The following PAK3 variants were observed in gnomAD, a reference collection of about 807,000 sequenced individuals.
PAK3 encodes the protein p21 (RAC1) activated kinase 3, also known as serine/threonine-protein kinase PAK 3.
A neutral mutation model predicts 41.0 loss-of-function variants in PAK3; 4 were observed. The ratio of observed to expected loss-of-function variants is 0.10; its 90% confidence interval spans 0.05 to 0.22. The LOEUF is 0.22. Ranked by LOEUF, PAK3 falls within the 10% of genes least tolerant of loss-of-function variation. PAK3 has a pLI of 1.00. For missense variants in PAK3, 205 were observed against 409.9 expected (o/e 0.50, Z 4.32); for synonymous variants, 146 against 139.6 (o/e 1.05, Z -0.32).
intron 1 of PAK3, among the ~76,000 whole-genome samples, chrX:111,012,036 T>G (rs1252868509): frequency 8.9e-6 from 1 of 111,967 alleles, no homozygotes; most frequent in Non-Finnish European, 1.9e-5. Context: ...ACTTTTTGTC[T>G]GCCTGCTTTG....
chrX:111,156,892 TA>T (rs757887260), intron 8 of PAK3, among the ~76,000 whole-genome samples: 75 of 112,134 alleles, frequency 6.7e-4, no homozygotes, highest in African/African-American at 2.2e-3. Context: ...TTCATATTTT[TA>T]TCGTACTGTT....
At chrX:111,085,019 T>C (rs948577220) in intron 1 of PAK3, among the ~76,000 whole-genome samples, 4 of 111,672 alleles carry the variant, frequency 3.6e-5, no homozygotes, top group African/African-American at 1.3e-4. Context: ...GGGGAGAGAA[T>C]CTCCTTAGAT....
intron 6 of PAK3, among the ~76,000 whole-genome samples, chrX:111,146,997 G>A (rs1402350836): frequency 1.8e-5 from 2 of 111,437 alleles, no homozygotes; most frequent in East Asian, 2.8e-4. Context: ...AGGCTTTGTC[G>A]TGGTTTTCAT....
chrX:111,069,890 T>C (rs1019983480), intron 1 of PAK3, among the ~76,000 whole-genome samples: 3 of 111,845 alleles, frequency 2.7e-5, no homozygotes, highest in East Asian at 2.8e-4. Context: ...TTGGGGTCTT[T>C]TGCAGACTGA....
chrX:111,119,826 C>A (rs968685699), intron 4 of PAK3, among the ~76,000 whole-genome samples: 5 of 112,231 alleles, frequency 4.5e-5, no homozygotes, highest in African/African-American at 1.6e-4. Context: ...TACCCTTTCT[C>A]CATTGGTCTT....
intron 1 of PAK3, among the ~76,000 whole-genome samples, chrX:111,038,524 T>C (rs747921340): frequency 3.6e-5 from 4 of 111,821 alleles, no homozygotes; most frequent in Non-Finnish European, 7.5e-5. Context: ...GAAGAGTAGG[T>C]ACTAAGGTGG....
chrX:111,157,519 G>A (rs749014568), intron 8 of PAK3, among the ~76,000 whole-genome samples: 12 of 111,322 alleles, frequency 1.1e-4, no homozygotes, highest in Non-Finnish European at 1.9e-4. Context: ...GACCAGGCGC[G>A]GTGGCTCACA....
intron 16 of PAK3, among the ~76,000 whole-genome samples, chrX:111,199,391 C>A (rs2094652950): frequency 9.0e-6 from 1 of 111,364 alleles, no homozygotes; most frequent in Admixed American, 9.6e-5. Context: ...TTTTTAATGA[C>A]AAGGGTCTTT....
chrX:111,196,830 C>G (rs1160340298), intron 16 of PAK3, among the ~76,000 whole-genome samples, 190 bp downstream of exon 16: 1 of 104,010 alleles, frequency 9.6e-6, no homozygotes, highest in Non-Finnish European at 2.0e-5. Flanking sequence ...CAACAGTTTT[C>G]CTTGTCTTTT....
intron 1 of PAK3, among the ~76,000 whole-genome samples, chrX:111,026,203 T>C (rs972279484): frequency 1.8e-5 from 2 of 111,804 alleles, no homozygotes; most frequent in African/African-American, 6.5e-5. Flanking sequence ...AATATTATAC[T>C]GAATGGGGAA....
chrX:111,071,849 G>A (rs1168889002), intron 1 of PAK3, among the ~76,000 whole-genome samples: 10 of 111,807 alleles, frequency 8.9e-5, no homozygotes, highest in South Asian at 3.8e-4. Flanking sequence ...TTCCCATTAA[G>A]TTTCTCAGTT....
intron 1 of PAK3, among the ~76,000 whole-genome samples, chrX:111,021,231 C>G (rs763630900): frequency 8.9e-6 from 1 of 112,257 alleles, no homozygotes; most frequent in East Asian, 2.8e-4. Context: ...GGCCAACCAA[C>G]ACAAAACCAG....
At chrX:111,219,062 C>T (rs917439365) in intron 17 of PAK3, among the ~76,000 whole-genome samples, 2 of 108,517 alleles carry the variant, frequency 1.8e-5, no homozygotes, top group African/African-American at 3.3e-5. Flanking sequence ...TGGTGGCATG[C>T]GCCTGTGATC....
chrX:111,078,639 AC>A (rs1178938218), intron 1 of PAK3, among the ~76,000 whole-genome samples: 1 of 110,253 alleles, frequency 9.1e-6, no homozygotes, highest in East Asian at 2.8e-4. Context: ...CCAATTAATA[AC>A]CCCAAAACAG....
intron 1 of PAK3, among the ~76,000 whole-genome samples, chrX:111,007,007 C>A (rs866126750): frequency 1.7e-4 from 19 of 108,854 alleles, no homozygotes; most frequent in South Asian, 8.2e-4. Flanking sequence ...AGTTACCATG[C>A]CCCCCTGAGA....
intron 1 of PAK3, among the ~76,000 whole-genome samples, chrX:110,970,031 T>C (rs1459558960): frequency 7.1e-5 from 8 of 112,214 alleles, no homozygotes; most frequent in African/African-American, 2.6e-4. Context: ...AAGTCCTGTA[T>C]AGATTTTGTT....
rs776741964 is a variant in PAK3 at position 111,151,970 on chromosome X, A to C, written c.431-440A>C. On this transcript the variant is annotated intron_variant, in intron 7 of 17. Transcript: ENST00000372007. ...GAGCAGGACCGCGTGAGATTTTATCATACTCAGAATGGCATGCAGTTTGAA... is the reference window on the plus strand; with the variant it reads ...GAGCAGGACCGCGTGAGATTTTATCCTACTCAGAATGGCATGCAGTTTGAA... Among the ~76,000 whole-genome samples the C allele has an allele frequency of 1.3e-4, 15 of 112,223 alleles. No individual in the cohort carries two copies. The East Asian group carries it at 3.9e-3, about 29-fold the overall frequency.
chrX:110,967,258 G>A (rs1182472613), intron 1 of PAK3, among the ~76,000 whole-genome samples: 2 of 113,088 alleles, frequency 1.8e-5, no homozygotes, highest in African/African-American at 3.2e-5. Context: ...CAGGGACTAC[G>A]AGTGCAGAAG....
At chrX:111,067,853 A>G (rs2092712596) in intron 1 of PAK3, among the ~76,000 whole-genome samples, 3 of 109,927 alleles carry the variant, frequency 2.7e-5, no homozygotes, top group African/African-American at 9.9e-5. Context: ...TGTCTGTCTG[A>G]TTTGGAGGAG....
Sources: allele counts gnomAD v4.1 joint callset (sites outside exome capture counted in the v4.1 genomes callset), GRCh38; gene constraint gnomAD v4.1.1; transcripts MANE v1.5; gene names NCBI Gene and HGNC (gene_info 2026-07-23, HGNC 2026-07-21).